Variants in ROBO2 observed in about 807,000 individuals in gnomAD.
ROBO2 encodes the protein roundabout guidance receptor 2, also known as roundabout homolog 2.
A neutral mutation model predicts 160.8 loss-of-function variants in ROBO2; 53 were observed. The ratio of observed to expected loss-of-function variants is 0.33; its 90% CI spans 0.26 to 0.41. ROBO2 has a LOEUF of 0.41. Among genes scored for constraint, ROBO2 ranks in the 10% least tolerant of loss-of-function variants. The pLI is 1.00. For missense variants in ROBO2, 1,577 were observed against 1,722.4 expected, an observed-to-expected ratio of 0.92 and a Z score of 1.49; for synonymous variants, 664 against 611.7, an observed-to-expected ratio of 1.09 and a Z score of -1.26.
chr3:76,839,288 A>G (rs2068004653), intron 2 of ROBO2, among the ~76,000 whole-genome samples: 1 of 152,202 alleles, frequency 6.6e-6, no homozygotes, highest in Non-Finnish European at 1.5e-5. Context: ...TCAGTGAAAT[A>G]AAAGCCTTGG....
At chr3:75,993,203 G>A (rs1044720485) in intron 2 of ROBO2, among the ~76,000 whole-genome samples, 70 of 152,144 alleles carry the variant, frequency 4.6e-4, no homozygotes, top group African/African-American at 1.6e-3. Context: ...TAGTTTGGCT[G>A]TGATTCCACC....
chr3:77,223,351 A>T (rs1443601244), intron 2 of ROBO2, among the ~76,000 whole-genome samples: 1 of 152,122 alleles, frequency 6.6e-6, no homozygotes, highest in Admixed American at 6.6e-5. Context: ...CATTTAACGG[A>T]TATTGAAACT....
intron 2 of ROBO2, among the ~76,000 whole-genome samples, chr3:76,937,603 A>G (rs943840508): frequency 6.7e-6 from 1 of 148,606 alleles, no homozygotes; most frequent in Non-Finnish European, 1.5e-5. Flanking sequence ...TCTGCCAAAG[A>G]AAACTATCTT....
intron 2 of ROBO2, among the ~76,000 whole-genome samples, chr3:76,283,992 T>C (rs1708379327): frequency 6.6e-6 from 1 of 152,024 alleles, no homozygotes; most frequent in South Asian, 2.1e-4. Context: ...TCTCACTTTT[T>C]GCACTGACAA....
At position 77,115,087 on chromosome 3, in the gene ROBO2, GA is replaced by G. The variant is rs1560041387; in HGVS notation, c.388+16751del. ...CATCTTAGATATGTTGGAAACTCCA[GA>G]AAAGTTTTAAAAAATTACCAACAGA... On this transcript the variant is annotated intron_variant, in intron 2 of 25. Transcript: ENST00000461745. 6.6e-5 allele frequency among the ~76,000 whole-genome samples: 10 copies of G among 152,086 alleles called. No individual in the cohort carries two copies. In the South Asian group the frequency reaches 1.7e-3, roughly 25 times the overall value.
intron 2 of ROBO2, among the ~76,000 whole-genome samples, chr3:76,171,627 C>A (rs1291032314): frequency 4.6e-5 from 7 of 152,060 alleles, no homozygotes; most frequent in African/African-American, 1.7e-4. Context: ...CGAGCAATGC[C>A]CTGATGTAGC....
At chr3:76,956,567 A>G (rs2079281573) in intron 2 of ROBO2, among the ~76,000 whole-genome samples, 1 of 151,694 alleles carries the variant, frequency 6.6e-6, no homozygotes, top group African/African-American at 2.4e-5. Context: ...AAAAAAAAAA[A>G]AAAAGAAAAA....
intron 2 of ROBO2, among the ~76,000 whole-genome samples, chr3:76,893,050 A>G (rs958142748): frequency 6.6e-6 from 1 of 152,134 alleles, no homozygotes; most frequent in African/African-American, 2.4e-5. Flanking sequence ...GTCTCCTCCA[A>G]TTGGAACCCT....
Position 77,333,862 on chromosome 3 carries a change from G to A in ROBO2, c.389-143552G>A, listed in dbSNP as rs2066222985. On this transcript the variant is annotated intron_variant, in intron 2 of 25. Coordinates refer to ENST00000461745, the Ensembl canonical transcript of ROBO2. Reference sequence around the variant, plus strand: ...CTTTGTTTCTCTTTTTTCTGAAATAGGGATGGAAAGGGTATTAACTAGCAT... The same window carrying A: ...CTTTGTTTCTCTTTTTTCTGAAATAAGGATGGAAAGGGTATTAACTAGCAT... 7.9e-5 allele frequency among the ~76,000 whole-genome samples: 12 copies of A among 152,252 alleles called. No homozygotes were observed. The South Asian group carries it at 2.5e-3, about 32-fold the overall frequency.
chr3:77,264,497 A>T (rs1276367187), intron 2 of ROBO2, among the ~76,000 whole-genome samples: 1 of 151,940 alleles, frequency 6.6e-6, no homozygotes, highest in Non-Finnish European at 1.5e-5. Context: ...ATTCTACTTT[A>T]CTCAGCCATC....
At chr3:77,110,119 T>C (rs914509792) in intron 2 of ROBO2, among the ~76,000 whole-genome samples, 2 of 152,222 alleles carry the variant, frequency 1.3e-5, no homozygotes, top group African/African-American at 4.8e-5. Flanking sequence ...TTCCTAGTTG[T>C]CAAATATTAG....
chr3:76,309,418 C>G (rs1335296934), intron 2 of ROBO2, among the ~76,000 whole-genome samples: 2 of 152,100 alleles, frequency 1.3e-5, no homozygotes, highest in Non-Finnish European at 2.9e-5. Context: ...TAAACTAAGG[C>G]ACAATGTGAG....
intron 2 of ROBO2, among the ~76,000 whole-genome samples, chr3:76,654,709 G>T (rs765723588): frequency 6.6e-6 from 1 of 151,914 alleles, no homozygotes; most frequent in African/African-American, 2.4e-5. Flanking sequence ...ATCATAAGAA[G>T]CGCTATACCA....
intron 5 of ROBO2, among the ~76,000 whole-genome samples, chr3:77,513,970 G>A (rs376224003): frequency 1.4e-4 from 21 of 151,768 alleles, no homozygotes; most frequent in East Asian, 1.2e-3. Context: ...ATTTATTTAA[G>A]TCAAAGACTA....
At chr3:75,969,493 C>T (rs1043047847) in intron 2 of ROBO2, among the ~76,000 whole-genome samples, 11 of 151,482 alleles carry the variant, frequency 7.3e-5, no homozygotes, top group African/African-American at 2.2e-4. Flanking sequence ...ACCTTCATAC[C>T]GTTTCCCAAA....
intron 2 of ROBO2, among the ~76,000 whole-genome samples, chr3:76,912,667 A>G (rs901032268): frequency 7.2e-5 from 11 of 152,214 alleles, no homozygotes; most frequent in Non-Finnish European, 1.6e-4. Context: ...ATAGGAGTGA[A>G]CATTATCATA....
intron 2 of ROBO2, among the ~76,000 whole-genome samples, chr3:76,784,014 CTT>C (rs1462602813): frequency 6.0e-5 from 9 of 150,868 alleles, no homozygotes; most frequent in African/African-American, 1.9e-4. Flanking sequence ...TTGTAGCTCT[CTT>C]TTGAATTTTT....
At chr3:77,558,495 T>C (rs928162644) in intron 9 of ROBO2, among the ~76,000 whole-genome samples, 1 of 152,056 alleles carries the variant, frequency 6.6e-6, no homozygotes, top group Non-Finnish European at 1.5e-5. Context: ...TTTACTTTCA[T>C]TCGCAAAAGA....
chr3:77,268,227 T>A (rs2059261190), intron 2 of ROBO2, among the ~76,000 whole-genome samples: 1 of 152,180 alleles, frequency 6.6e-6, no homozygotes, highest in Admixed American at 6.5e-5. Context: ...TGAGTCTTCT[T>A]TTTTCCCTAG....
Sources: gnomAD v4.1 joint callset for allele counts (sites outside exome capture counted in the v4.1 genomes callset) on GRCh38, gnomAD v4.1.1 for gene constraint, MANE v1.5 for transcripts, NCBI Gene and HGNC (gene_info 2026-07-23, HGNC 2026-07-21) for gene names.